CACNA1D: variants seen among roughly 807,000 people sequenced by gnomAD.
CACNA1D encodes the protein calcium voltage-gated channel subunit alpha1 D, also known as voltage-dependent L-type calcium channel subunit alpha-1D.
In CACNA1D, 55 loss-of-function variants were observed where a neutral mutation model predicts 257.1. The ratio of observed to expected loss-of-function variants is 0.21; its 90% confidence interval spans 0.17 to 0.27. The LOEUF is 0.27. Ranked by LOEUF, CACNA1D falls within the 10% of genes least tolerant of loss-of-function variation. The probability of loss-of-function intolerance (pLI) is 1.00; values close to 1 mark genes in which losing one functional copy is unlikely to be tolerated. For missense variants in CACNA1D, 1,876 were observed against 2,784.0 expected, an observed-to-expected ratio of 0.67 and a Z score of 7.34; for synonymous variants, 980 against 1,014.9, an observed-to-expected ratio of 0.97 and a Z score of 0.65.
At chr3:53,566,876 A>G (rs1187031060) in intron 3 of CACNA1D, among the ~76,000 whole-genome samples, 1 of 152,088 alleles carries the variant, frequency 6.6e-6, no homozygotes, top group Non-Finnish European at 1.5e-5. Flanking sequence ...TTCTTTCCCT[A>G]CTGTCACCCC....
intron 3 of CACNA1D, among the ~76,000 whole-genome samples, chr3:53,519,359 C>T (rs1371217396): frequency 6.6e-6 from 1 of 152,002 alleles, no homozygotes; most frequent in Non-Finnish European, 1.5e-5. Flanking sequence ...ATTTTTGATA[C>T]CAGGAAAGTT....
At chr3:53,650,725 C>G (rs2094081421) in intron 3 of CACNA1D, 54 bp from the exon 4 acceptor site, 2 of 1,592,454 alleles carry the variant, frequency 1.3e-6, no homozygotes, top group Admixed American at 3.3e-5. Context: ...TTTCTGTCTC[C>G]TCTTCCTCCC....
rs2095387767 is a variant in CACNA1D, at chr3:53,774,797, C to G, written c.4202+119C>G. On this transcript the variant is annotated intron_variant, in intron 34 of 47. Transcript: ENST00000350061. This position sits in a 1 kb window ranked among gnomAD's most constrained non-coding sequence, Gnocchi z 4.3. Reference sequence around the variant, plus strand: ...TGCCTTTCTCAGTTGATTGTGATGGCTTTTTGTTTTTGTTTGTTCTGTATT... The same window carrying G: ...TGCCTTTCTCAGTTGATTGTGATGGGTTTTTGTTTTTGTTTGTTCTGTATT... The G allele has an allele frequency of 1.5e-6, 1 of 685,346 alleles. No individual in the cohort carries two copies. The highest frequency in any genetic ancestry group is 2.6e-6 in the Non-Finnish European group (1 of 377,962). 42.5% of individuals were successfully genotyped at this position (685,346 alleles called of 1,614,324 possible). A position where few individuals can be genotyped will look rare whatever the true frequency, so the allele number is the denominator to read the frequency against.
rs1284602023 is a variant in CACNA1D, at chr3:53,805,206, A to C, written c.5749+60A>C. ...CCGGGGAACAGTGTACCTCTCCCCC[A>C]ACCCCCGCTCTGGGGGCCGGTGATG... is the stretch of plus-strand genomic sequence containing the variant. On this transcript the variant is annotated intron_variant, in intron 45 of 47. Transcript: ENST00000350061. The C allele has an allele frequency of 5.2e-6, 8 of 1,532,172 alleles. No homozygotes were observed. In the East Asian group the frequency reaches 1.8e-4, roughly 34 times the overall value. 94.9% of individuals were successfully genotyped at this position (1,532,172 alleles called of 1,614,324 possible). A position where few individuals can be genotyped will look rare whatever the true frequency, so the allele number is the denominator to read the frequency against.
At chr3:53,521,968 A>C (rs1257030155) in intron 3 of CACNA1D, among the ~76,000 whole-genome samples, 1 of 151,538 alleles carries the variant, frequency 6.6e-6, no homozygotes, top group African/African-American at 2.4e-5. Context: ...CTACCAAAAA[A>C]AAAAAAAAAA....
chr3:53,675,341 T>A (rs2094364721), intron 8 of CACNA1D, among the ~76,000 whole-genome samples: 1 of 152,256 alleles, frequency 6.6e-6, no homozygotes, highest in Non-Finnish European at 1.5e-5. Flanking sequence ...GTGAGGGTGG[T>A]GTCTATTCCT....
intron 3 of CACNA1D, among the ~76,000 whole-genome samples, chr3:53,587,035 G>A (rs1013910205): frequency 2.6e-5 from 4 of 152,154 alleles, no homozygotes; most frequent in Non-Finnish European, 4.4e-5. Flanking sequence ...TCCTGGAACC[G>A]TGGGGCCCCA....
intron 3 of CACNA1D, among the ~76,000 whole-genome samples, chr3:53,582,369 A>G (rs2093147026): frequency 6.6e-6 from 1 of 152,166 alleles, no homozygotes; most frequent in African/African-American, 2.4e-5. Flanking sequence ...ATTATAGCTC[A>G]GTTTATAAAG....
chr3:53,757,781 C>G (rs986911323), intron 29 of CACNA1D, among the ~76,000 whole-genome samples: 2 of 152,186 alleles, frequency 1.3e-5, no homozygotes, highest in Non-Finnish European at 2.9e-5. Flanking sequence ...TGTCTAGATA[C>G]CCTGCTTCCT....
rs1313946232 is a variant in CACNA1D, at chr3:53,810,038, A to G, written c.5932A>G (p.Thr1978Ala). ...KAQKYSPSHS[T>A]RSWATPPATP... ...CCAGAAGTACTCACCGAGTCACTCG[A>G]CCCGGTCGTGGGCCACCCCTCCAGC... Residue 1978 changes from threonine (T) to alanine (A), a missense_variant, in exon 47 of 48, where the codon ACC becomes GCC. Transcript: ENST00000350061. 3 of 1,613,796 alleles carry G rather than the reference A, an allele frequency of 1.9e-6. No individual in the cohort carries two copies. Among genetic ancestry groups the G allele is most frequent in the Admixed American group, 1.7e-5 (1 of 59,990 alleles).
At position 53,691,885 on chromosome 3, in the gene CACNA1D, A is replaced by ATTTTT. The variant is rs2094530793; in HGVS notation, c.1221-10755_1221-10754insTTTTT. On this transcript the variant is annotated intron_variant, in intron 8 of 47. Transcript: ENST00000350061. ...ATATTATATATATTACATATAATAT[A>ATTTTT]TATTATATATATTACATATATTATA... Among the ~76,000 whole-genome samples, 6 of 97,876 alleles carry ATTTTT rather than the reference A, an allele frequency of 6.1e-5. 1 individual carries two copies. The South Asian group carries it at 1.9e-3, about 31-fold the overall frequency. The allele number at this position is 97,876 out of a possible 152,430, so 64.2% of individuals were successfully genotyped here. A position where few individuals can be genotyped will look rare whatever the true frequency, so the allele number is the denominator to read the frequency against.
At chr3:53,644,983 C>T (rs1258413750) in intron 3 of CACNA1D, among the ~76,000 whole-genome samples, 1 of 152,198 alleles carries the variant, frequency 6.6e-6, no homozygotes, top group Non-Finnish European at 1.5e-5. Flanking sequence ...TTTGCCAACA[C>T]TTATCACTTG....
chr3:53,559,883 C>T (rs750439531), intron 3 of CACNA1D, among the ~76,000 whole-genome samples: 3 of 151,972 alleles, frequency 2.0e-5, no homozygotes, highest in Admixed American at 6.6e-5. Flanking sequence ...AATGGAAATT[C>T]GCCCCTTATT....
At chr3:53,799,693 G>A (rs889708748) in intron 40 of CACNA1D, among the ~76,000 whole-genome samples, 2 of 152,220 alleles carry the variant, frequency 1.3e-5, no homozygotes, top group African/African-American at 4.8e-5. Flanking sequence ...GAGTGTGCTG[G>A]TGGTTGCAGT....
intron 3 of CACNA1D, among the ~76,000 whole-genome samples, chr3:53,514,669 G>A (rs1173900689): frequency 6.6e-6 from 1 of 152,196 alleles, no homozygotes; most frequent in Non-Finnish European, 1.5e-5. Flanking sequence ...GCAGTCCTGT[G>A]AGGTAGGTGT....
intron 14 of CACNA1D, among the ~76,000 whole-genome samples, chr3:53,725,470 C>G (rs912121879): frequency 3.9e-5 from 6 of 152,096 alleles, no homozygotes; most frequent in Admixed American, 2.6e-4. Flanking sequence ...GGATAAACTC[C>G]CAGAGATGGA....
chr3:53,521,151 T>G (rs2091559888), intron 3 of CACNA1D, among the ~76,000 whole-genome samples: 1 of 152,112 alleles, frequency 6.6e-6, no homozygotes, highest in Non-Finnish European at 1.5e-5. Context: ...GCAATCCTCC[T>G]GCCTCAGCTT....
chr3:53,625,724 A>G lies in CACNA1D; in HGVS notation c.484-25055A>G, dbSNP rs375476257. ...GAATTTGCCGAAACTATAATCCATA[A>G]CCACCCAGATTTCTATTAGACCTTC... On this transcript the variant is annotated intron_variant, in intron 3 of 47. Coordinates refer to ENST00000350061, the MANE Select transcript of CACNA1D (RefSeq NM_001128840.3). Among the ~76,000 whole-genome samples the G allele has an allele frequency of 2.6e-5, 4 of 152,318 alleles. No individual in the cohort carries two copies. The East Asian group carries it at 5.8e-4, about 22-fold the overall frequency.
intron 7 of CACNA1D, among the ~76,000 whole-genome samples, chr3:53,672,233 CA>C (rs919505194): frequency 1.3e-5 from 2 of 152,178 alleles, no homozygotes; most frequent in African/African-American, 4.8e-5. Flanking sequence ...GCCAGTCTCC[CA>C]GGGGGGTCAT....
Sources: allele counts gnomAD v4.1 joint callset (sites outside exome capture counted in the v4.1 genomes callset), GRCh38; gene constraint gnomAD v4.1.1; non-coding constraint Gnocchi (gnomAD v3.1); transcripts MANE v1.5; gene names NCBI Gene and HGNC (gene_info 2026-07-23, HGNC 2026-07-21).